The following CD247 variants were observed in gnomAD, a reference collection of about 807,000 sequenced individuals.
The protein encoded by CD247 is T-cell surface glycoprotein CD3 zeta chain.
Under a neutral mutation model 30.0 loss-of-function variants are expected in CD247, and 13 were observed. That is an observed-to-expected ratio of 0.43 (90% CI 0.28 to 0.69). The LOEUF (loss-of-function observed/expected upper bound fraction) is 0.69. Ranked by LOEUF, CD247 falls within the 30% of genes least tolerant of loss-of-function variation. CD247 has a pLI of 0.16. For missense variants in CD247, 193 were observed against 212.6 expected, an observed-to-expected ratio of 0.91 and a Z score of 0.57; for synonymous variants, 72 against 80.0, an observed-to-expected ratio of 0.90 and a Z score of 0.53.
At chr1:167,482,761 G>A (rs1157096451) in intron 1 of CD247, among the ~76,000 whole-genome samples, 2 of 152,148 alleles carry the variant, frequency 1.3e-5, no homozygotes, top group African/African-American at 4.8e-5. Context: ...AGAGGCCTTG[G>A]GCTGCCCGTA....
At chr1:167,505,009 G>A (rs762098723) in intron 1 of CD247, among the ~76,000 whole-genome samples, 17 of 152,262 alleles carry the variant, frequency 1.1e-4, no homozygotes, top group African/African-American at 2.6e-4. Flanking sequence ...AATAACTCAC[G>A]ACAGCTTTTC....
intron 1 of CD247, among the ~76,000 whole-genome samples, chr1:167,484,684 G>A (rs918871446): frequency 6.6e-6 from 1 of 152,250 alleles, no homozygotes; most frequent in African/African-American, 2.4e-5. Context: ...GGCTGAGGTA[G>A]GAGAATCACT....
chr1:167,497,606 A>G (rs1029382032), intron 1 of CD247, among the ~76,000 whole-genome samples: 1 of 152,192 alleles, frequency 6.6e-6, no homozygotes, highest in African/African-American at 2.4e-5. Context: ...TTTGATTTGG[A>G]AACAGTATGA....
intron 2 of CD247, 61 bp downstream of exon 2, chr1:167,440,603 C>T: frequency 5.3e-6 from 6 of 1,139,236 alleles, no homozygotes; most frequent in South Asian, 1.3e-5. Flanking sequence ...ACCAAGGCCC[C>T]TCTGAACATC....
In CD247 at chr1:167,430,911, C is replaced by T. The variant is rs1317389126; in HGVS notation, c.*770G>A. On this transcript the variant is annotated 3_prime_UTR_variant, in exon 8 of 8. Transcript: ENST00000362089. ...CTGAAAGCGTGAAGTGAATCAACGG[C>T]CTCCTCTTGCTCCGCAGCACTTTAT... 1.1e-4 allele frequency: 45 copies of T among 398,676 alleles called. No individual in the cohort carries two copies. In the Admixed American group the frequency reaches 1.9e-3, roughly 17 times the overall value. 24.7% of individuals were successfully genotyped at this position (398,676 alleles called of 1,614,324 possible). A position where few individuals can be genotyped will look rare whatever the true frequency, so the allele number is the denominator to read the frequency against.
chr1:167,441,206 A>G (rs867702500), intron 1 of CD247, among the ~76,000 whole-genome samples: 1 of 152,202 alleles, frequency 6.6e-6, no homozygotes, highest in African/African-American at 2.4e-5. Context: ...CAGGGAGACA[A>G]TAGGTCAAAT....
Position 167,458,208 on chromosome 1 carries a change from T to C in CD247, c.59-17441A>G, listed in dbSNP as rs141492059. On this transcript the variant is annotated intron_variant, in intron 1 of 7. Coordinates refer to ENST00000362089, the MANE Select transcript of CD247 (RefSeq NM_198053.3). Reference sequence around the variant, plus strand: ...AGCTGGTCATCAGGAGAAAGCTACTTATGATTTCCTAACAAGCCACCACAG... The same window carrying C: ...AGCTGGTCATCAGGAGAAAGCTACTCATGATTTCCTAACAAGCCACCACAG... Among the ~76,000 whole-genome samples, 1,345 of 152,356 alleles carry C rather than the reference T, an allele frequency of 8.8e-3. 10 individuals carry two copies. The highest frequency in any genetic ancestry group is 0.017 in the South Asian group (83 of 4,830).
At chr1:167,477,729 A>T (rs957501429) in intron 1 of CD247, among the ~76,000 whole-genome samples, 1 of 152,110 alleles carries the variant, frequency 6.6e-6, no homozygotes, top group African/African-American at 2.4e-5. Flanking sequence ...GAGTTTTACT[A>T]TGTTGGCCAG....
At chr1:167,443,782 T>C (rs926423134) in intron 1 of CD247, among the ~76,000 whole-genome samples, 5 of 152,044 alleles carry the variant, frequency 3.3e-5, no homozygotes, top group African/African-American at 7.2e-5. Flanking sequence ...TGATGACAAG[T>C]GTGCTGTGTG....
At chr1:167,441,426 C>T (rs1651826305) in intron 1 of CD247, among the ~76,000 whole-genome samples, 1 of 152,072 alleles carries the variant, frequency 6.6e-6, no homozygotes, top group Admixed American at 6.5e-5. Context: ...CCACCTAGGC[C>T]CAGCATCTCC....
At chr1:167,492,041 C>T (rs765112847) in intron 1 of CD247, among the ~76,000 whole-genome samples, 4 of 152,048 alleles carry the variant, frequency 2.6e-5, no homozygotes, top group African/African-American at 7.3e-5. Flanking sequence ...ATTCTAGAGA[C>T]GGATGGTGGT....
intron 1 of CD247, chr1:167,457,638 G>A (rs1652763244): frequency 6.6e-6 from 1 of 152,310 alleles, no homozygotes. Context: ...TCCAGATACT[G>A]TCCTTTCCCT....
chr1:167,459,545 A>AT (rs1652898921), intron 1 of CD247: 1 of 151,856 alleles, frequency 6.6e-6, no homozygotes, highest in East Asian at 1.9e-4. Flanking sequence ...TAGAGACAGG[A>AT]TTTTGCCATG....
chr1:167,515,061 T>A (rs1485662753), intron 1 of CD247, among the ~76,000 whole-genome samples: 2 of 152,158 alleles, frequency 1.3e-5, no homozygotes, highest in Non-Finnish European at 2.9e-5. Flanking sequence ...GCAGATGTGA[T>A]CTCTAGGCTA....
At chr1:167,476,614 G>A (rs1332705769) in intron 1 of CD247, among the ~76,000 whole-genome samples, 2 of 152,166 alleles carry the variant, frequency 1.3e-5, no homozygotes, top group African/African-American at 4.8e-5. Context: ...CTTGAGCTGA[G>A]AAGTTTGAGA....
intron 1 of CD247, among the ~76,000 whole-genome samples, chr1:167,501,117 C>T (rs1419709943): frequency 1.3e-5 from 2 of 149,344 alleles, no homozygotes; most frequent in Admixed American, 6.7e-5. Context: ...TGCAATGGCG[C>T]GATCTCGGCT....
chr1:167,460,981 A>G (rs1256662870), intron 1 of CD247, among the ~76,000 whole-genome samples: 1 of 152,002 alleles, frequency 6.6e-6, no homozygotes, highest in African/African-American at 2.4e-5. Flanking sequence ...CAGTTTGGCA[A>G]CCCTTGGTGT....
chr1:167,466,645 C>G (rs1195612332), intron 1 of CD247, among the ~76,000 whole-genome samples: 1 of 152,118 alleles, frequency 6.6e-6, no homozygotes. Context: ...AATGTATTTT[C>G]ATATGCACAT....
intron 1 of CD247, among the ~76,000 whole-genome samples, chr1:167,515,424 A>T (rs1234296519): frequency 6.6e-6 from 1 of 152,188 alleles, no homozygotes; most frequent in Non-Finnish European, 1.5e-5. Context: ...AGATAGCTAA[A>T]ATGTCAGTCT....
Sources: gnomAD v4.1 joint callset for allele counts (sites outside exome capture counted in the v4.1 genomes callset) on GRCh38, gnomAD v4.1.1 for gene constraint, MANE v1.5 for transcripts, NCBI Gene and HGNC (gene_info 2026-07-23, HGNC 2026-07-21) for gene names.